The following BICDL1 variants were observed in gnomAD, a reference collection of about 807,000 sequenced individuals.
BICDL1 encodes the protein BICD family-like cargo adapter 1.
Under a neutral mutation model 76.8 loss-of-function variants are expected in BICDL1, and 20 were observed. The observed-to-expected ratio is 0.26, with a 90% confidence interval of 0.18 to 0.38. The LOEUF (loss-of-function observed/expected upper bound fraction) is 0.38. Among genes scored for constraint, BICDL1 ranks in the 10% least tolerant of loss-of-function variants. The probability of loss-of-function intolerance (pLI) is 1.00; values close to 1 mark genes in which losing one functional copy is unlikely to be tolerated. For missense variants in BICDL1, 700 were observed against 798.6 expected (o/e 0.88, Z 1.49); for synonymous variants, 383 against 337.1 (o/e 1.14, Z -1.49).
At chr12:120,038,378 T>C (rs1051325330) in intron 2 of BICDL1, among the ~76,000 whole-genome samples, 1 of 152,254 alleles carries the variant, frequency 6.6e-6, no homozygotes, top group Non-Finnish European at 1.5e-5. Context: ...AAATGACTTA[T>C]AACACATCCT....
At chr12:120,063,909 A>G (rs1292745325) in intron 3 of BICDL1, among the ~76,000 whole-genome samples, 1 of 152,080 alleles carries the variant, frequency 6.6e-6, no homozygotes, top group Non-Finnish European at 1.5e-5. Flanking sequence ...GCCAGAGGAG[A>G]CTTGGCATCT....
Position 119,989,239 on chromosome 12 carries a change from A to T in BICDL1, c.-630A>T, listed in dbSNP as rs1175344455. 4.7e-5 allele frequency among the ~76,000 whole-genome samples: 7 copies of T among 149,836 alleles called. No individual in the cohort carries two copies. The highest frequency in any genetic ancestry group is 2.0e-4 in the Admixed American group (3 of 15,108). On this transcript the variant is annotated 5_prime_UTR_variant, in exon 1 of 10. Transcript: ENST00000548673. ...GCCGGGAGGAGCCGGGGAAGGCAGG[A>T]AGGAGCTCGCCGGGTTGCGCGGCGC...
chr12:119,999,975 T>C (rs1006516985), intron 2 of BICDL1: 12 of 228,974 alleles, frequency 5.2e-5, no homozygotes, highest in East Asian at 2.5e-4. Flanking sequence ...CATAAATTCC[T>C]GGATCTTCCA....
rs371061295 is a variant in BICDL1 at position 120,088,899 on chromosome 12, C to T, written c.1584-1052C>T. 1.4e-3 allele frequency among the ~76,000 whole-genome samples: 203 copies of T among 147,188 alleles called. 6 individuals carry two copies. In the South Asian group the frequency reaches 0.035, roughly 25 times the overall value. ...CAGGATGGTCTCAATCTCCTGACCT[C>T]GTGATCCGCCCGCCTTGGCCTCCCA... On this transcript the variant is annotated intron_variant, in intron 8 of 9. Coordinates refer to ENST00000548673, the MANE Select transcript of BICDL1 (RefSeq NM_001367886.1).
At chr12:120,017,964 T>C (rs1181331776) in intron 2 of BICDL1, among the ~76,000 whole-genome samples, 1 of 152,236 alleles carries the variant, frequency 6.6e-6, no homozygotes, top group Admixed American at 6.5e-5. Flanking sequence ...TGCTTGATTC[T>C]TGCTGACTTC....
rs1340028684 is a variant in BICDL1 at position 119,998,574 on chromosome 12, G to A, written c.483G>A (p.Gly161=). ...GAAGACGATTTGAGAACCGAGAAGG[G>A]GAGTGGGAAGGCCGAGTGTCAGAGC... The part of the protein sequence containing the change: ...ELRRRFENRE[G]EWEGRVSELE... Residue 161 remains glycine, a synonymous_variant, in exon 2 of 10, where the codon GGG becomes GGA. Coordinates refer to ENST00000548673, the MANE Select transcript of BICDL1 (RefSeq NM_001367886.1). The A allele has an allele frequency of 2.5e-6, 4 of 1,613,936 alleles. No individual in the cohort carries two copies. Among genetic ancestry groups the A allele is most frequent in the Admixed American group, 1.7e-5 (1 of 59,990 alleles).
chr12:120,053,334 TC>T (rs1464010018), intron 2 of BICDL1, among the ~76,000 whole-genome samples: 1 of 152,212 alleles, frequency 6.6e-6, no homozygotes, highest in Non-Finnish European at 1.5e-5. Context: ...TCCACCCGCC[TC>T]GGCCTTCCAA....
chr12:120,000,979 A>G (rs781074579), intron 2 of BICDL1, among the ~76,000 whole-genome samples: 1 of 152,330 alleles, frequency 6.6e-6, no homozygotes, highest in African/African-American at 2.4e-5. Context: ...GAAAATCCTG[A>G]TAAGCTGCTC....
At chr12:120,026,961 TAGAA>T (rs1371722900) in intron 2 of BICDL1, among the ~76,000 whole-genome samples, 2 of 151,388 alleles carry the variant, frequency 1.3e-5, no homozygotes, top group Non-Finnish European at 2.9e-5. Context: ...ACTGGGATCA[TAGAA>T]AGAATATGAA....
intron 2 of BICDL1, among the ~76,000 whole-genome samples, chr12:120,042,609 A>T (rs1021776307): frequency 3.3e-5 from 5 of 152,160 alleles, no homozygotes; most frequent in Admixed American, 6.6e-5. Flanking sequence ...GTTTGAGACC[A>T]GCCTGGCCAA....
chr12:120,072,988 A>C (rs906310705), intron 6 of BICDL1, among the ~76,000 whole-genome samples: 12 of 152,162 alleles, frequency 7.9e-5, no homozygotes, highest in Admixed American at 2.6e-4. Context: ...CTCGTGCCTC[A>C]GCTCCCTGAG....
At chr12:120,048,623 A>G (rs928080725) in intron 2 of BICDL1, among the ~76,000 whole-genome samples, 5 of 152,050 alleles carry the variant, frequency 3.3e-5, no homozygotes, top group Admixed American at 6.6e-5. Flanking sequence ...TCACTCTGTG[A>G]CCAAGGCATC....
At chr12:120,024,875 A>T (rs1177605046) in intron 2 of BICDL1, among the ~76,000 whole-genome samples, 1 of 151,794 alleles carries the variant, frequency 6.6e-6, no homozygotes, top group East Asian at 1.9e-4. Flanking sequence ...ACGGATTTTC[A>T]CCATGTTGGC....
At chr12:120,089,363 C>T (rs564587447) in intron 8 of BICDL1, among the ~76,000 whole-genome samples, 26 of 150,456 alleles carry the variant, frequency 1.7e-4, no homozygotes, top group African/African-American at 6.4e-4. Context: ...TGACGGAGTT[C>T]TGCTCTTTCA....
At chr12:120,064,579 G>A (rs1041867870) in intron 3 of BICDL1, 154 bp from the exon 4 acceptor site, 3 of 644,004 alleles carry the variant, frequency 4.7e-6, no homozygotes, top group Non-Finnish European at 4.9e-6. Flanking sequence ...TTCAGCTTAG[G>A]GTTTCATAGC....
intron 2 of BICDL1, among the ~76,000 whole-genome samples, chr12:120,039,099 C>A (rs770392422): frequency 3.3e-5 from 5 of 151,896 alleles, no homozygotes; most frequent in Non-Finnish European, 7.4e-5. Flanking sequence ...GAGTTTGAGA[C>A]CAGCCTGGCC....
At position 120,061,722 on chromosome 12, in the gene BICDL1, G is replaced by A; in HGVS notation, c.658G>A (p.Glu220Lys). Reference protein sequence around the residue: ...LDQLSRASEVERQLSMQVHAL... With the variant: ...LDQLSRASEVKRQLSMQVHAL... ...TCCTCTGTTTCAGGCATCAGAAGTTGAGAGACAACTCTCCATGCAGGTCCA... is the reference window on the plus strand; with the variant it reads ...TCCTCTGTTTCAGGCATCAGAAGTTAAGAGACAACTCTCCATGCAGGTCCA... The change falls in exon 3 of 10, where the codon GAG (glutamate) becomes AAG (lysine). Residue 220 changes from glutamate (E) to lysine (K), a missense_variant. By Grantham distance (56) the Glu-to-Lys change is moderately conservative (BLOSUM62 1). This residue lies in a region of BICDL1 where 455 missense variants were observed against 548.7 expected (regional missense o/e 0.83). Coordinates refer to ENST00000548673, the MANE Select transcript of BICDL1 (RefSeq NM_001367886.1). 1 of 1,613,746 alleles carries A rather than the reference G, an allele frequency of 6.2e-7. No homozygotes were observed. The highest frequency in any genetic ancestry group is 1.6e-4 in the Middle Eastern group (1 of 6,062).
chr12:120,024,376 AG>A (rs2138726534), intron 2 of BICDL1, among the ~76,000 whole-genome samples: 1 of 152,366 alleles, frequency 6.6e-6, no homozygotes, highest in African/African-American at 2.4e-5. Context: ...TGTCATTAAT[AG>A]CAGATTAGAC....
chr12:120,062,652 AG>A (rs1222925768), intron 3 of BICDL1, among the ~76,000 whole-genome samples: 2 of 152,152 alleles, frequency 1.3e-5, no homozygotes, highest in African/African-American at 4.8e-5. Context: ...AAATGACCTG[AG>A]GATGTTTTTC....
Sources: allele counts gnomAD v4.1 joint callset (sites outside exome capture counted in the v4.1 genomes callset), GRCh38; gene constraint gnomAD v4.1.1; regional missense constraint gnomAD v4.1.1; transcripts MANE v1.5; gene names NCBI Gene and HGNC (gene_info 2026-07-23, HGNC 2026-07-21).